The following PTPRD variants were observed in gnomAD, a reference collection of about 807,000 sequenced individuals.
PTPRD encodes the protein receptor-type tyrosine-protein phosphatase delta.
In PTPRD, 34 loss-of-function variants were observed where a neutral mutation model predicts 214.5. That is an observed-to-expected ratio of 0.16 (90% confidence interval 0.12 to 0.21). The LOEUF is 0.21. Ranked by LOEUF, PTPRD falls within the 10% of genes least tolerant of loss-of-function variation. The pLI, the probability that PTPRD is intolerant of heterozygous loss-of-function variation, is 1.00. For synonymous variants in PTPRD, 1,128 were observed against 845.7 expected, an observed-to-expected ratio of 1.33 and a Z score of -5.79; for missense variants, 2,545 against 2,398.7, an observed-to-expected ratio of 1.06 and a Z score of -1.27.
chr9:8,901,974 T>A (rs1485023776), intron 11 of PTPRD, among the ~76,000 whole-genome samples: 2 of 152,226 alleles, frequency 1.3e-5, no homozygotes, highest in Non-Finnish European at 2.9e-5. Context: ...TGAATCTTAA[T>A]TTTCTTACTT....
chr9:8,912,462 C>T lies in PTPRD; in HGVS notation c.-104+106235G>A, dbSNP rs116373022. ...GAACTTTACAGAAAGGACAAACCTA[C>T]GGAGACAGAAAACAGATCTGAGGTT... is the stretch of plus-strand genomic sequence containing the variant. On this transcript the variant is annotated intron_variant, in intron 11 of 45. Transcript: ENST00000381196. 1.5e-3 allele frequency among the ~76,000 whole-genome samples: 230 copies of T among 152,150 alleles called. 1 individual carries two copies. The highest frequency in any genetic ancestry group is 5.1e-3 in the African/African-American group (213 of 41,526).
chr9:9,630,851 A>T (rs1424027022), intron 7 of PTPRD, among the ~76,000 whole-genome samples: 10 of 152,228 alleles, frequency 6.6e-5, no homozygotes, highest in Non-Finnish European at 1.2e-4. Flanking sequence ...CCCAGGACGT[A>T]GAATGTACTT....
chr9:8,486,533 A>C, intron 27 of PTPRD, 184 bp from the exon 28 acceptor site: 1 of 715,358 alleles, frequency 1.4e-6, no homozygotes, highest in Admixed American at 2.0e-5. Context: ...TACTTTATTA[A>C]AGTAGGCTGA....
chr9:9,068,026 C>A (rs187160225), intron 10 of PTPRD, among the ~76,000 whole-genome samples: 1 of 152,216 alleles, frequency 6.6e-6, no homozygotes, highest in East Asian at 1.9e-4. Context: ...CAACACTGCT[C>A]TGTTCTCCAC....
intron 11 of PTPRD, among the ~76,000 whole-genome samples, chr9:8,972,440 A>T (rs1019768713): frequency 4.0e-5 from 6 of 151,878 alleles, no homozygotes; most frequent in Admixed American, 6.6e-5. Context: ...TCAAACATAC[A>T]TACTAATTGT....
intron 10 of PTPRD, among the ~76,000 whole-genome samples, chr9:9,141,758 C>A (rs1196369694): frequency 6.6e-6 from 1 of 150,626 alleles, no homozygotes; most frequent in Non-Finnish European, 1.5e-5. Context: ...TTATCTCATG[C>A]ATATTAATAT....
chr9:10,211,479 A>C (rs1170101741), intron 3 of PTPRD, among the ~76,000 whole-genome samples: 2 of 152,206 alleles, frequency 1.3e-5, no homozygotes, highest in African/African-American at 4.8e-5. Context: ...GCTGTGAGGC[A>C]TAACATGATC....
intron 7 of PTPRD, among the ~76,000 whole-genome samples, chr9:9,728,879 T>C (rs2098137399): frequency 6.6e-6 from 1 of 152,156 alleles, no homozygotes; most frequent in African/African-American, 2.4e-5. Context: ...GTGACATTTG[T>C]TAAGTGATTC....
chr9:9,432,590 T>G (rs1447416176), intron 8 of PTPRD, among the ~76,000 whole-genome samples: 1 of 152,152 alleles, frequency 6.6e-6, no homozygotes, highest in Non-Finnish European at 1.5e-5. Flanking sequence ...TTCTTTTGAA[T>G]CACATTGAAA....
chr9:10,526,893 A>G (rs2054457310), intron 2 of PTPRD, among the ~76,000 whole-genome samples: 1 of 152,124 alleles, frequency 6.6e-6, no homozygotes, highest in South Asian at 2.1e-4. Flanking sequence ...GAAAAGCTTC[A>G]TTATCTATGT....
At chr9:9,181,028 T>C (rs1243471948) in intron 10 of PTPRD, among the ~76,000 whole-genome samples, 1 of 152,066 alleles carries the variant, frequency 6.6e-6, no homozygotes, top group Non-Finnish European at 1.5e-5. Flanking sequence ...AGAGTAAAAA[T>C]ACCAAAGAAT....
chr9:9,463,484 G>C (rs1386714197), intron 8 of PTPRD, among the ~76,000 whole-genome samples: 2 of 152,056 alleles, frequency 1.3e-5, no homozygotes, highest in East Asian at 3.9e-4. Context: ...GCTGGAGGTG[G>C]AGGAGGCAGG....
At chr9:10,299,612 T>C (rs1241886737) in intron 3 of PTPRD, among the ~76,000 whole-genome samples, 1 of 152,142 alleles carries the variant, frequency 6.6e-6, no homozygotes, top group Non-Finnish European at 1.5e-5. Flanking sequence ...GACCTTACAT[T>C]GGCCAAGGCA....
At chr9:9,925,009 A>G (rs1215062525) in intron 5 of PTPRD, among the ~76,000 whole-genome samples, 2 of 152,170 alleles carry the variant, frequency 1.3e-5, no homozygotes, top group Non-Finnish European at 2.9e-5. Flanking sequence ...TAAATAGTCA[A>G]TACCGAGTAG....
intron 10 of PTPRD, among the ~76,000 whole-genome samples, chr9:9,145,663 C>T (rs1992673): frequency 1 from 152,281 of 152,284 alleles, 76,139 homozygotes; most frequent in Middle Eastern, 1. Flanking sequence ...GATAAAATTG[C>T]CCTCATGTCT....
intron 3 of PTPRD, among the ~76,000 whole-genome samples, chr9:10,326,536 C>A (rs1297524159): frequency 6.6e-6 from 1 of 151,458 alleles, no homozygotes; most frequent in Non-Finnish European, 1.5e-5. Flanking sequence ...AATCTCTGGT[C>A]CATTATAGAT....
intron 5 of PTPRD, among the ~76,000 whole-genome samples, chr9:9,768,221 C>T (rs1160749361): frequency 6.6e-6 from 1 of 152,130 alleles, no homozygotes; most frequent in African/African-American, 2.4e-5. Context: ...AGACTACTTA[C>T]ATACCCTCTC....
chr9:8,712,484 A>G (rs1379670342), intron 12 of PTPRD, among the ~76,000 whole-genome samples: 2 of 151,190 alleles, frequency 1.3e-5, no homozygotes, highest in Non-Finnish European at 2.9e-5. Flanking sequence ...GCTGGGCAGG[A>G]TGAGCATGTA....
At chr9:9,699,990 G>A (rs1031419884) in intron 7 of PTPRD, among the ~76,000 whole-genome samples, 1 of 152,088 alleles carries the variant, frequency 6.6e-6, no homozygotes, top group East Asian at 1.9e-4. Flanking sequence ...GTGTTGGTAC[G>A]CTGATGTTAC....
Sources: allele counts gnomAD v4.1 joint callset (sites outside exome capture counted in the v4.1 genomes callset), GRCh38; gene constraint gnomAD v4.1.1; transcripts MANE v1.5; gene names NCBI Gene and HGNC (gene_info 2026-07-23, HGNC 2026-07-21).